Variants in ABHD3 observed in about 807,000 individuals in gnomAD.
The protein encoded by ABHD3 is phospholipase ABHD3.
Under a neutral mutation model 48.8 loss-of-function variants are expected in ABHD3, and 46 were observed. The ratio of observed to expected loss-of-function variants is 0.94; its 90% confidence interval spans 0.74 to 1.20. The LOEUF (loss-of-function observed/expected upper bound fraction) is 1.20, where lower values mean the gene tolerates loss of function less well. Ranked by LOEUF, ABHD3 falls within the 50% of genes most tolerant of loss-of-function variation. ABHD3 has a pLI of 0.00. For synonymous variants in ABHD3, 192 were observed against 183.7 expected (o/e 1.04, Z -0.36); for missense variants, 490 against 497.8 (o/e 0.98, Z 0.15).
intron 3 of ABHD3, among the ~76,000 whole-genome samples, chr18:21,685,481 A>G (rs2040110263): frequency 6.6e-6 from 1 of 152,250 alleles, no homozygotes; most frequent in Admixed American, 6.5e-5. Context: ...CAGAAATCCT[A>G]TTTGAGAAAA....
intron 5 of ABHD3, among the ~76,000 whole-genome samples, chr18:21,660,718 A>AT (rs1196062099): frequency 1.3e-5 from 2 of 152,154 alleles, no homozygotes; most frequent in African/African-American, 4.8e-5. Context: ...GAAGTTTTAG[A>AT]TGGAAAGTGG....
Position 21,668,217 on chromosome 18 carries a change from A to G in ABHD3, c.556-3987T>C, listed in dbSNP as rs369726483. Among the ~76,000 whole-genome samples the G allele has an allele frequency of 8.4e-4, 116 of 137,670 alleles. 1 individual carries two copies. The highest frequency in any genetic ancestry group is 9.7e-4 in the Non-Finnish European group (62 of 63,984). The allele number at this position is 137,670 out of a possible 152,430, so 90.3% of individuals were successfully genotyped here. On this transcript the variant is annotated intron_variant, in intron 4 of 8. Coordinates refer to ENST00000289119, the MANE Select transcript of ABHD3 (RefSeq NM_138340.5). ...ATCTATCTCAAAAAAAAAAAAAAAA[A>G]AAAGAAAGAAAAAGAAAAGAAAATA...
intron 4 of ABHD3, chr18:21,682,668 C>T (rs905261276): frequency 2.0e-4 from 31 of 152,350 alleles, no homozygotes; most frequent in African/African-American, 7.5e-4. Context: ...CTTTGTCCCT[C>T]ACTTCATAAA....
intron 3 of ABHD3, among the ~76,000 whole-genome samples, chr18:21,685,233 C>G (rs1270207297): frequency 6.6e-6 from 1 of 152,206 alleles, no homozygotes; most frequent in Non-Finnish European, 1.5e-5. Flanking sequence ...GATTCCAAAT[C>G]TCTTCTTGCA....
intron 4 of ABHD3, among the ~76,000 whole-genome samples, chr18:21,671,843 C>T (rs1598528186): frequency 6.6e-6 from 1 of 152,194 alleles, no homozygotes; most frequent in East Asian, 1.9e-4. Context: ...CACTATTTTG[C>T]TCAGGCTGGT....
At chr18:21,694,094 CATTTT>C (rs1471990574) in intron 3 of ABHD3, among the ~76,000 whole-genome samples, 1 of 147,352 alleles carries the variant, frequency 6.8e-6, no homozygotes. Flanking sequence ...CTCAGGATCA[CATTTT>C]TTTTTAAAAT....
chr18:21,658,547 T>C (rs376282164), intron 6 of ABHD3, among the ~76,000 whole-genome samples: 84 of 152,338 alleles, frequency 5.5e-4, no homozygotes, highest in African/African-American at 1.9e-3. Context: ...GTGATTAGAA[T>C]AGTAACCTTC....
rs756417996 is a variant in ABHD3 at position 21,656,987 on chromosome 18, C to T, written c.931G>A (p.Val311Ile). Residue 311 changes from valine to isoleucine, a missense_variant, in exon 8 of 9, where the codon GTC (valine) becomes ATC (isoleucine). Transcript: ENST00000289119. ...TCAATTGTTTGGTATCCAAACATGACTGAAGTGAATCGCTTATCAAACTCT... is the reference window on the plus strand; with the variant it reads ...TCAATTGTTTGGTATCCAAACATGATTGAAGTGAATCGCTTATCAAACTCT... Reference protein sequence around the residue: ...IREFDKRFTSVMFGYQTIDDY... With the variant: ...IREFDKRFTSIMFGYQTIDDY... 36 of 1,614,040 alleles carry T rather than the reference C, an allele frequency of 2.2e-5. No individual in the cohort carries two copies. The South Asian group carries it at 2.5e-4, about 11-fold the overall frequency.
chr18:21,677,759 C>G (rs1373025679), intron 4 of ABHD3, among the ~76,000 whole-genome samples: 3 of 152,044 alleles, frequency 2.0e-5, no homozygotes, highest in African/African-American at 7.3e-5. Context: ...TCTCGGCTCA[C>G]TGCAACCTCC....
At chr18:21,667,234 C>CTTTTTTTTT (rs745430805) in intron 4 of ABHD3, among the ~76,000 whole-genome samples, 1 of 81,440 alleles carries the variant, frequency 1.2e-5, no homozygotes, top group Non-Finnish European at 2.2e-5. Flanking sequence ...CCACCACACC[C>CTTTTTTTTT]TTTTTTTTTT....
intron 3 of ABHD3, among the ~76,000 whole-genome samples, chr18:21,692,394 T>C (rs965004760): frequency 4.6e-5 from 7 of 152,178 alleles, no homozygotes; most frequent in African/African-American, 1.7e-4. Context: ...GGATAACCTA[T>C]ATATAATGCC....
chr18:21,659,066 C>A, intron 6 of ABHD3, 104 bp downstream of exon 6: 1 of 1,211,612 alleles, frequency 8.3e-7, no homozygotes, highest in African/African-American at 1.6e-5. Flanking sequence ...GTCTCGATCT[C>A]CTGACCTCGT....
At chr18:21,655,263 T>C (rs917446253) in intron 8 of ABHD3, among the ~76,000 whole-genome samples, 4 of 151,670 alleles carry the variant, frequency 2.6e-5, no homozygotes, top group Non-Finnish European at 5.9e-5. Context: ...TTTTAATGCA[T>C]TGAGGGGAAA....
At chr18:21,663,639 A>G (rs2039551636) in intron 5 of ABHD3, 1 of 1,529,930 alleles carries the variant, frequency 6.5e-7, no homozygotes, top group South Asian at 1.2e-5. Flanking sequence ...CAGTAGTTCC[A>G]TTTGCCCAGC....
intron 3 of ABHD3, among the ~76,000 whole-genome samples, chr18:21,688,546 A>G (rs1246526349): frequency 1.3e-5 from 2 of 151,724 alleles, no homozygotes; most frequent in Non-Finnish European, 2.9e-5. Flanking sequence ...GAAATAAAGT[A>G]TCAACATAAG....
intron 4 of ABHD3, among the ~76,000 whole-genome samples, chr18:21,670,767 C>A (rs1390619885): frequency 2.0e-5 from 3 of 152,160 alleles, no homozygotes; most frequent in African/African-American, 7.2e-5. Flanking sequence ...GTAATCCCAG[C>A]ACTTTGGGAG....
chr18:21,702,338 G>C lies in ABHD3; in HGVS notation c.487C>G (p.Leu163Val), dbSNP rs1186581030. 18 of 1,602,696 alleles carry C rather than the reference G, an allele frequency of 1.1e-5. No individual in the cohort carries two copies. The highest frequency in any genetic ancestry group is 1.5e-5 in the Non-Finnish European group (18 of 1,174,774). The change falls in exon 3 of 9, where the codon CTT (leucine) becomes GTT (valine). Residue 163 changes from leucine to valine, a missense_variant. Transcript: ENST00000289119. ...KESYILHMIH[L>V]SEELGYRCVV... ...TACCTGTATCCTAATTCTTCACTAA[G>C]ATGGATCATATGAAGGATATATGAC...
At chr18:21,657,498 C>T (rs1040654653) in intron 6 of ABHD3, among the ~76,000 whole-genome samples, 6 of 151,836 alleles carry the variant, frequency 4.0e-5, no homozygotes, top group Non-Finnish European at 7.4e-5. Context: ...ACCACCACAC[C>T]CCACCAATTT....
chr18:21,689,320 G>A (rs550854744), intron 3 of ABHD3, among the ~76,000 whole-genome samples: 3 of 152,036 alleles, frequency 2.0e-5, no homozygotes, highest in Non-Finnish European at 4.4e-5. Context: ...AAGCCAAGGT[G>A]GGTGGATCAC....
Sources: gnomAD v4.1 joint callset for allele counts (sites outside exome capture counted in the v4.1 genomes callset) on GRCh38, gnomAD v4.1.1 for gene constraint, MANE v1.5 for transcripts, NCBI Gene and HGNC (gene_info 2026-07-23, HGNC 2026-07-21) for gene names.